Variants in RSBN1L observed in about 807,000 individuals in gnomAD.
RSBN1L encodes the protein round spermatid basic protein 1 like.
RSBN1L carries 30 observed loss-of-function variants against 67.7 expected under a neutral mutation model. The observed-to-expected ratio is 0.44, with a 90% CI of 0.33 to 0.60. The LOEUF is 0.60. Ranked by LOEUF, RSBN1L falls within the 20% of genes least tolerant of loss-of-function variation. The pLI is 0.02. For synonymous variants in RSBN1L, 433 were observed against 387.0 expected (o/e 1.12, Z -1.39); for missense variants, 992 against 1,031.7 (o/e 0.96, Z 0.53).
At chr7:77,745,419 G>T (rs955357836) in intron 2 of RSBN1L, among the ~76,000 whole-genome samples, 1 of 152,168 alleles carries the variant, frequency 6.6e-6, no homozygotes, top group African/African-American at 2.4e-5. Flanking sequence ...TGATGGAAAA[G>T]GAGGTATCAT....
intron 3 of RSBN1L, among the ~76,000 whole-genome samples, chr7:77,756,724 G>C (rs1049688538): frequency 5.9e-5 from 9 of 152,154 alleles, no homozygotes; most frequent in Non-Finnish European, 1.2e-4. Flanking sequence ...GGTGCAGTGA[G>C]CCGAGATTGC....
chr7:77,696,902 C>CCCG lies in RSBN1L; in HGVS notation c.447_449dup (p.Ala151dup), dbSNP rs746380313. 2.8e-5 allele frequency: 45 copies of CCCG among 1,604,004 alleles called. No homozygotes were observed. The highest frequency in any genetic ancestry group is 1.1e-4 in the African/African-American group (8 of 74,896). On this transcript the variant is annotated inframe_insertion, in exon 1 of 8. Coordinates refer to ENST00000334955, the MANE Select transcript of RSBN1L (RefSeq NM_198467.3). Reference sequence around the variant, plus strand: ...CGCTCAGCCTCACCATCTCCTCCTGCCCGCCGCCGCCGCCGCTGCCTCGGC... The same window carrying CCCG: ...CGCTCAGCCTCACCATCTCCTCCTGCCCGCCGCCGCCGCCGCCGCTGCCTCGGC...
intron 1 of RSBN1L, among the ~76,000 whole-genome samples, chr7:77,724,272 T>G (rs1438603444): frequency 6.6e-6 from 1 of 152,086 alleles, no homozygotes; most frequent in African/African-American, 2.4e-5. Flanking sequence ...CTTTGAATTT[T>G]TTTTTCTTGT....
At chr7:77,775,929 A>G (rs995752002) in intron 6 of RSBN1L, among the ~76,000 whole-genome samples, 1 of 151,876 alleles carries the variant, frequency 6.6e-6, no homozygotes, top group Non-Finnish European at 1.5e-5. Flanking sequence ...GGTGGCACAC[A>G]CCTGTAATCC....
chr7:77,716,310 T>C (rs1269202125), intron 1 of RSBN1L, among the ~76,000 whole-genome samples: 1 of 152,072 alleles, frequency 6.6e-6, no homozygotes, highest in Non-Finnish European at 1.5e-5. Context: ...TTTGTTTTTT[T>C]TGTTTTGTTT....
intron 1 of RSBN1L, among the ~76,000 whole-genome samples, chr7:77,724,664 G>A (rs888680651): frequency 6.6e-6 from 1 of 151,802 alleles, no homozygotes; most frequent in Admixed American, 6.6e-5. Context: ...GACTTCAGGT[G>A]ATCCACCTGC....
intron 1 of RSBN1L, among the ~76,000 whole-genome samples, chr7:77,697,796 T>G (rs1790760310): frequency 6.6e-6 from 1 of 152,200 alleles, no homozygotes; most frequent in Non-Finnish European, 1.5e-5. Context: ...TGTTTGAGCA[T>G]TAGAAAAAGG....
chr7:77,705,557 G>A (rs969456481), intron 1 of RSBN1L, among the ~76,000 whole-genome samples: 1 of 128,692 alleles, frequency 7.8e-6, no homozygotes, highest in Admixed American at 9.3e-5. Context: ...TGTTGCCCAG[G>A]CTGGAGTGCA....
chr7:77,770,404 GT>G, intron 5 of RSBN1L, among the ~76,000 whole-genome samples: 1 of 152,044 alleles, frequency 6.6e-6, no homozygotes, highest in East Asian at 1.9e-4. Context: ...AATACGCCAG[GT>G]GCAGTGGCTC....
chr7:77,760,363 A>G (rs1791683656), intron 3 of RSBN1L, among the ~76,000 whole-genome samples: 1 of 152,120 alleles, frequency 6.6e-6, no homozygotes, highest in East Asian at 1.9e-4. Flanking sequence ...ATTTATAGAG[A>G]ATATACAAGG....
rs190654256 is a variant in RSBN1L at position 77,753,784 on chromosome 7, A to G, written c.1344+3720A>G. On this transcript the variant is annotated intron_variant, in intron 3 of 7. Transcript: ENST00000334955. ...TATAGTTAATAAAACAGCAGCTAAAAGTATTGGAAAAATAATCTGTAGTTC... is the reference window on the plus strand; with the variant it reads ...TATAGTTAATAAAACAGCAGCTAAAGGTATTGGAAAAATAATCTGTAGTTC... 2.3e-3 allele frequency among the ~76,000 whole-genome samples: 355 copies of G among 152,346 alleles called. 1 individual carries two copies. The Middle Eastern group carries it at 0.024, about 10-fold the overall frequency.
Position 77,736,396 on chromosome 7 carries a change from GT to G in RSBN1L, c.587-10del. ...TTTTTTCATTTTAAATATTTCCTTTGTTTTGTCTTCCAGATAAAATCAAAGA... is the reference window on the plus strand; with the variant it reads ...TTTTTTCATTTTAAATATTTCCTTTGTTTGTCTTCCAGATAAAATCAAAGA... On this transcript the variant is annotated splice_polypyrimidine_tract_variant and intron_variant, in intron 1 of 7. Transcript: ENST00000334955. The G allele has an allele frequency of 1.0e-6, 1 of 987,396 alleles. No individual in the cohort carries two copies. The highest frequency in any genetic ancestry group is 1.4e-6 in the Non-Finnish European group (1 of 730,908). The allele number at this position is 987,396 out of a possible 1,614,324, so 61.2% of individuals were successfully genotyped here. A position where few individuals can be genotyped will look rare whatever the true frequency, so the allele number is the denominator to read the frequency against.
chr7:77,736,838 G>T (rs138204133), intron 2 of RSBN1L, among the ~76,000 whole-genome samples: 94 of 152,176 alleles, frequency 6.2e-4, no homozygotes, highest in African/African-American at 2.1e-3. Flanking sequence ...AATCTAAAAG[G>T]AAGAAATTAA....
chr7:77,705,149 CTT>C (rs1382445255), intron 1 of RSBN1L, among the ~76,000 whole-genome samples: 1 of 151,998 alleles, frequency 6.6e-6, no homozygotes, highest in Non-Finnish European at 1.5e-5. Flanking sequence ...CAGATTAGCT[CTT>C]GTTAAAAAAT....
intron 2 of RSBN1L, among the ~76,000 whole-genome samples, chr7:77,738,866 G>A (rs1791369691): frequency 6.6e-6 from 1 of 152,096 alleles, no homozygotes; most frequent in Non-Finnish European, 1.5e-5. Flanking sequence ...TTGAACCCAG[G>A]AGGCGGAGGT....
chr7:77,743,758 G>A (rs1404282336), intron 2 of RSBN1L, among the ~76,000 whole-genome samples: 1 of 152,096 alleles, frequency 6.6e-6, no homozygotes, highest in African/African-American at 2.4e-5. Flanking sequence ...TTGTATTTAG[G>A]AATGTCATTA....
intron 6 of RSBN1L, among the ~76,000 whole-genome samples, chr7:77,777,802 A>G (rs922027463): frequency 6.6e-6 from 1 of 151,972 alleles, no homozygotes; most frequent in Non-Finnish European, 1.5e-5. Context: ...AGTTTTTTAG[A>G]ATTATATTTA....
intron 1 of RSBN1L, among the ~76,000 whole-genome samples, chr7:77,715,610 G>A (rs1370320621): frequency 6.6e-6 from 1 of 152,138 alleles, no homozygotes; most frequent in Middle Eastern, 3.2e-3. Context: ...CCTGGCCCTA[G>A]CAGTGGAATT....
chr7:77,706,144 T>C (rs1790888415), intron 1 of RSBN1L, among the ~76,000 whole-genome samples: 1 of 151,922 alleles, frequency 6.6e-6, no homozygotes, highest in African/African-American at 2.4e-5. Flanking sequence ...TGGTGCGATC[T>C]TGATTCACTG....
Sources: gnomAD v4.1 joint callset for allele counts (sites outside exome capture counted in the v4.1 genomes callset) on GRCh38, gnomAD v4.1.1 for gene constraint, MANE v1.5 for transcripts, NCBI Gene and HGNC (gene_info 2026-07-23, HGNC 2026-07-21) for gene names.